Variants in KCNK6 observed in about 807,000 individuals in gnomAD.
The protein encoded by KCNK6 is potassium two pore domain channel subfamily K member 6.
KCNK6 carries 20 observed loss-of-function variants against 21.9 expected under a neutral mutation model. The ratio of observed to expected loss-of-function variants is 0.91; its 90% CI spans 0.64 to 1.32. The LOEUF (loss-of-function observed/expected upper bound fraction) is 1.32, where lower values mean the gene tolerates loss of function less well. Among genes scored for constraint, KCNK6 ranks in the 40% most tolerant of loss-of-function variants. The pLI is 0.00. For synonymous variants in KCNK6, 210 were observed against 218.0 expected (o/e 0.96, Z 0.32); for missense variants, 415 against 433.1 (o/e 0.96, Z 0.37).
Position 38,320,059 on chromosome 19 carries a change from C to T in KCNK6, c.109C>T (p.Arg37Ter), listed in dbSNP as rs745427851. 4.6e-6 allele frequency: 7 copies of T among 1,516,194 alleles called. No homozygotes were observed. Among genetic ancestry groups the T allele is most frequent in the African/African-American group, 2.9e-5 (2 of 70,098 alleles). The allele number at this position is 1,516,194 out of a possible 1,614,324, so 93.9% of individuals were successfully genotyped here. Reference protein sequence around the residue: ...RLEGPHEARLRAELETLRAQL... With the variant: ...RLEGPHEARL ...GGAGGGGCCGCACGAAGCCAGGCTC[C>T]GAGCCGAGCTGGAGACGCTGCGGGC... is the stretch of plus-strand genomic sequence containing the variant. The change falls in exon 1 of 3, where the codon CGA becomes TGA. Residue 37 changes from arginine (R) to a stop codon, truncating the protein, a stop_gained. Coordinates refer to ENST00000263372, the MANE Select transcript of KCNK6 (RefSeq NM_004823.3). LOFTEE classifies it high-confidence loss of function.
chr19:38,327,005 G>C lies in KCNK6; in HGVS notation c.718+17G>C, dbSNP rs563513697. 2.5e-6 allele frequency: 4 copies of C among 1,587,848 alleles called. No individual in the cohort carries two copies. In the South Asian group the frequency reaches 3.4e-5, roughly 13 times the overall value. ...TGGTCACAGGTGAGCTGGGTGGCTA[G>C]GGCAGGGCTTTGAGGAGGACCTAGC... On this transcript the variant is annotated intron_variant, in intron 2 of 2. Coordinates refer to ENST00000263372, the MANE Select transcript of KCNK6 (RefSeq NM_004823.3).
chr19:38,326,490 G>T, intron 1 of KCNK6, 103 bp from the exon 2 acceptor site: 2 of 1,329,110 alleles, frequency 1.5e-6, no homozygotes, highest in Non-Finnish European at 2.1e-6. Flanking sequence ...GTTCAAGACT[G>T]CAGTAAGCTA....
chr19:38,326,969 C>G lies in KCNK6; in HGVS notation c.699C>G (p.Leu233=). The G allele has an allele frequency of 6.2e-7, 1 of 1,602,736 alleles. No individual in the cohort carries two copies. Among genetic ancestry groups the G allele is most frequent in the South Asian group, 1.1e-5 (1 of 90,912 alleles). The change falls in exon 2 of 3, where the codon CTC becomes CTG. Residue 233 remains leucine (L), a synonymous_variant. Coordinates refer to ENST00000263372, the MANE Select transcript of KCNK6 (RefSeq NM_004823.3). The part of the protein sequence containing the change: ...GEAPGQPYRA[L]YKVLVTVYLF... The stretch of plus-strand genomic sequence containing the variant: ...CCCCTGGCCAGCCCTACCGGGCCCT[C>G]TACAAGGTGCTGGTCACAGGTGAGC...
In KCNK6 at chr19:38,320,169, G is replaced by C. The variant is rs757104093; in HGVS notation, c.219G>C (p.Gly73=). ...VERVLAAGRL[G]RVVLANASGS... The stretch of plus-strand genomic sequence containing the variant: ...GAGTGCTGGCGGCCGGACGGCTGGG[G>C]CGGGTCGTGCTTGCTAACGCTTCGG... Residue 73 remains glycine (G), a synonymous_variant, in exon 1 of 3, where the codon GGG becomes GGC. Transcript: ENST00000263372. The C allele has an allele frequency of 5.0e-6, 8 of 1,598,594 alleles. No individual in the cohort carries two copies. The highest frequency in any genetic ancestry group is 6.8e-6 in the Non-Finnish European group (8 of 1,178,838).
At chr19:38,324,893 G>C (rs1214455944) in intron 1 of KCNK6, 1 of 151,474 alleles carries the variant, frequency 6.6e-6, no homozygotes, top group African/African-American at 2.4e-5. Context: ...TGCCTGGCTG[G>C]GATCATTTCT....
chr19:38,327,074 CT>C, intron 2 of KCNK6, 86 bp downstream of exon 2: 2 of 1,563,902 alleles, frequency 1.3e-6, no homozygotes, highest in South Asian at 1.2e-5. Context: ...CACTCTGGGA[CT>C]TCCAAAAGGG....
chr19:38,326,697 C>G lies in KCNK6; in HGVS notation c.427C>G (p.Gln143Glu), dbSNP rs765211190. ...TTMLLLTASA[Q>E]RLSLLLTHVP... Reference sequence around the variant, plus strand: ...CATGCTGCTGCTGACCGCCTCAGCCCAGCGCCTGTCACTGCTGCTGACTCA... The same window carrying G: ...CATGCTGCTGCTGACCGCCTCAGCCGAGCGCCTGTCACTGCTGCTGACTCA... Residue 143 changes from glutamine (Q) to glutamate (E), a missense_variant, in exon 2 of 3, where the codon CAG becomes GAG. By Grantham distance (29) the Gln-to-Glu change is conservative. Coordinates refer to ENST00000263372, the MANE Select transcript of KCNK6 (RefSeq NM_004823.3). 6.2e-7 allele frequency: 1 copy of G among 1,605,762 alleles called. No homozygotes were observed. The highest frequency in any genetic ancestry group is 1.1e-5 in the South Asian group (1 of 91,080).
At position 38,327,166 on chromosome 19, in the gene KCNK6, C is replaced by T. The variant is rs1353934211; in HGVS notation, c.719-14C>T. The T allele has an allele frequency of 6.2e-7, 1 of 1,609,508 alleles. No homozygotes were observed. The highest frequency in any genetic ancestry group is 1.7e-5 in the Admixed American group (1 of 60,000). On this transcript the variant is annotated splice_polypyrimidine_tract_variant and intron_variant, in intron 2 of 2. Coordinates refer to ENST00000263372, the MANE Select transcript of KCNK6 (RefSeq NM_004823.3). ...AGCCCCAGGATGACCAACGCCCCTTCTCCGCCTTTACAGTCTACCTCTTCC... is the reference window on the plus strand; with the variant it reads ...AGCCCCAGGATGACCAACGCCCCTTTTCCGCCTTTACAGTCTACCTCTTCC...
In KCNK6 at chr19:38,322,633, A is replaced by G. The variant is rs538420321; in HGVS notation, c.322+2361A>G. The stretch of plus-strand genomic sequence containing the variant: ...GGAGTTCGAGACCAGCCTGACCAAC[A>G]TGGTGAAACCCCGTCTACTAAAAAT... On this transcript the variant is annotated intron_variant, in intron 1 of 2. Transcript: ENST00000263372. Among the ~76,000 whole-genome samples, 4 of 152,306 alleles carry G rather than the reference A, an allele frequency of 2.6e-5. No homozygotes were observed. In the South Asian group the frequency reaches 8.3e-4, roughly 32 times the overall value.
intron 1 of KCNK6, among the ~76,000 whole-genome samples, chr19:38,325,793 C>T (rs955183423): frequency 2.6e-4 from 39 of 152,258 alleles, no homozygotes; most frequent in African/African-American, 9.1e-4. Flanking sequence ...CTGGTGGACC[C>T]TGTGGGGCTT....
Position 38,330,712 on chromosome 19 carries a change from C to T in KCNK6, c.*3309C>T, listed in dbSNP as rs1969762024. 1 of 152,116 alleles carries T rather than the reference C, an allele frequency of 6.6e-6. No individual in the cohort carries two copies. Among genetic ancestry groups the T allele is most frequent in the African/African-American group, 2.4e-5 (1 of 41,422 alleles). The allele number at this position is 152,116 out of a possible 1,614,324, so 9.4% of individuals were successfully genotyped here. ...CTATGTGCCAGGCACGATTCCAAGC[C>T]CCTGATACATTCTCTACATTTTACA... On this transcript the variant is annotated 3_prime_UTR_variant, in exon 3 of 3. Transcript: ENST00000263372.
At chr19:38,324,313 G>A (rs1969684450) in intron 1 of KCNK6, among the ~76,000 whole-genome samples, 1 of 152,160 alleles carries the variant, frequency 6.6e-6, no homozygotes, top group South Asian at 2.1e-4. Context: ...AATGAGGGTT[G>A]GGGGTCATAA....
In KCNK6 at chr19:38,331,210, G is replaced by A. The variant is rs1399395607; in HGVS notation, c.*3807G>A. On this transcript the variant is annotated 3_prime_UTR_variant, in exon 3 of 3. Coordinates refer to ENST00000263372, the MANE Select transcript of KCNK6 (RefSeq NM_004823.3). ...CTGGGTGTGGTGGCGCACACCTGTA[G>A]TCCCAGTTACTCAGGAGGATGAGGC... The A allele has an allele frequency of 2.6e-5, 4 of 152,200 alleles. No homozygotes were observed. The highest frequency in any genetic ancestry group is 5.9e-5 in the Non-Finnish European group (4 of 68,280). 9.4% of individuals were successfully genotyped at this position (152,200 alleles called of 1,614,324 possible). A position where few individuals can be genotyped will look rare whatever the true frequency, so the allele number is the denominator to read the frequency against.
rs1270114339 is a variant in KCNK6, at chr19:38,328,489, T to A, written c.*1086T>A. ...GGCCTGTGTCCTTGGGCAGTCACAC[T>A]ACCTCTCTGATTTTGTTTCCTTATC... On this transcript the variant is annotated 3_prime_UTR_variant, in exon 3 of 3. Coordinates refer to ENST00000263372, the MANE Select transcript of KCNK6 (RefSeq NM_004823.3). 6.6e-6 allele frequency: 1 copy of A among 152,328 alleles called. No homozygotes were observed. The highest frequency in any genetic ancestry group is 1.5e-5 in the Non-Finnish European group (1 of 68,114). 9.4% of individuals were successfully genotyped at this position (152,328 alleles called of 1,614,324 possible).
rs752619430 is a variant in KCNK6 at position 38,326,698 on chromosome 19, A to G, written c.428A>G (p.Gln143Arg). The G allele has an allele frequency of 6.2e-7, 1 of 1,605,644 alleles. No individual in the cohort carries two copies. Among genetic ancestry groups the G allele is most frequent in the Non-Finnish European group, 8.5e-7 (1 of 1,179,980 alleles). The change falls in exon 2 of 3, where the codon CAG (glutamine) becomes CGG (arginine). Residue 143 changes from glutamine to arginine, a missense_variant. Gln to Arg is a conservative substitution (Grantham distance 43, BLOSUM62 1). Coordinates refer to ENST00000263372, the MANE Select transcript of KCNK6 (RefSeq NM_004823.3). The part of the protein sequence containing the change: ...TTMLLLTASA[Q>R]RLSLLLTHVP... ...ATGCTGCTGCTGACCGCCTCAGCCCAGCGCCTGTCACTGCTGCTGACTCAC... is the reference window on the plus strand; with the variant it reads ...ATGCTGCTGCTGACCGCCTCAGCCCGGCGCCTGTCACTGCTGCTGACTCAC...
chr19:38,321,677 C>T (rs1333509774), intron 1 of KCNK6, among the ~76,000 whole-genome samples: 2 of 152,238 alleles, frequency 1.3e-5, no homozygotes, highest in East Asian at 1.9e-4. Context: ...CTCGCCCTCC[C>T]GGCCAACAAT....
intron 2 of KCNK6, 90 bp downstream of exon 2, chr19:38,327,078 C>CA (rs1465576337): frequency 6.4e-7 from 1 of 1,559,808 alleles, no homozygotes; most frequent in Admixed American, 1.7e-5. Flanking sequence ...CTGGGACTTC[C>CA]AAAAGGGATC....
At chr19:38,321,586 G>A (rs1969652425) in intron 1 of KCNK6, among the ~76,000 whole-genome samples, 1 of 152,240 alleles carries the variant, frequency 6.6e-6, no homozygotes, top group Non-Finnish European at 1.5e-5. Context: ...CCCCTTCTCA[G>A]CTCCCAGACT....
rs546003759 is a variant in KCNK6 at position 38,327,352 on chromosome 19, C to A, written c.891C>A (p.His297Gln). 2 of 1,612,428 alleles carry A rather than the reference C, an allele frequency of 1.2e-6. No individual in the cohort carries two copies. The highest frequency in any genetic ancestry group is 8.5e-7 in the Non-Finnish European group (1 of 1,180,014). Residue 297 changes from histidine to glutamine, a missense_variant, in exon 3 of 3, where the codon CAC becomes CAA. Physicochemically the swap from His to Gln is conservative, Grantham distance 24. Coordinates refer to ENST00000263372, the MANE Select transcript of KCNK6 (RefSeq NM_004823.3). ...TCCTGGGCCCCCAGCCGGAGTCGCA[C>A]CAGCAACTCTCTGCCAGCTCCCACA... The part of the protein sequence containing the change: ...VDILGPQPES[H>Q]QQLSASSHTD...
Sources: gnomAD v4.1 joint callset for allele counts (sites outside exome capture counted in the v4.1 genomes callset) on GRCh38, gnomAD v4.1.1 for gene constraint, MANE v1.5 for transcripts, NCBI Gene and HGNC (gene_info 2026-07-23, HGNC 2026-07-21) for gene names.